The following MYBL1 variants were observed in gnomAD, a reference collection of about 807,000 sequenced individuals.
MYBL1 encodes the protein MYB proto-oncogene like 1, also known as myb-related protein A.
Under a neutral mutation model 96.3 loss-of-function variants are expected in MYBL1, and 17 were observed. The observed-to-expected ratio is 0.18, with a 90% CI of 0.12 to 0.26. MYBL1 has a LOEUF of 0.26. Among genes scored for constraint, MYBL1 ranks in the 10% least tolerant of loss-of-function variants. The pLI, the probability that MYBL1 is intolerant of heterozygous loss-of-function variation, is 1.00. For missense variants in MYBL1, 701 were observed against 882.9 expected (o/e 0.79, Z 2.61); for synonymous variants, 282 against 292.7 (o/e 0.96, Z 0.37).
At chr8:66,582,624 G>A (rs1345857512) in intron 8 of MYBL1, among the ~76,000 whole-genome samples, 1 of 144,130 alleles carries the variant, frequency 6.9e-6, no homozygotes, top group East Asian at 2.1e-4. Context: ...AGGCTGAGGT[G>A]AAAGCATCAC....
intron 8 of MYBL1, among the ~76,000 whole-genome samples, chr8:66,587,083 T>C (rs1809449893): frequency 1.3e-5 from 2 of 152,034 alleles, no homozygotes; most frequent in African/African-American, 2.4e-5. Context: ...TAGCCAAAGG[T>C]TGGTTAATGG....
At chr8:66,612,116 G>A (rs1439589676) in intron 1 of MYBL1, 1 of 152,154 alleles carries the variant, frequency 6.6e-6, no homozygotes, top group Non-Finnish European at 1.5e-5. Flanking sequence ...CTTAGGTACG[G>A]TCAGAGCCAA....
intron 3 of MYBL1, 32 bp from the exon 4 acceptor site, chr8:66,599,174 C>G: frequency 6.7e-7 from 1 of 1,484,306 alleles, no homozygotes; most frequent in South Asian, 1.3e-5. Flanking sequence ...TGTTATTAAA[C>G]AACTGTCTTC....
Position 66,595,777 on chromosome 8 carries a change from A to T in MYBL1, c.513-20T>A. The T allele has an allele frequency of 6.9e-7, 1 of 1,445,172 alleles. No individual in the cohort carries two copies. The highest frequency in any genetic ancestry group is 9.2e-7 in the Non-Finnish European group (1 of 1,088,250). 89.5% of individuals were successfully genotyped at this position (1,445,172 alleles called of 1,614,324 possible). ...TCAGTCCTAAGAAAGGAAAGGTATG[A>T]TTTAAAAAGAAAAAAGGATTCCACA... On this transcript the variant is annotated intron_variant, in intron 5 of 15. Transcript: ENST00000522677.
chr8:66,602,699 C>CTATATATATATATA (rs67236935), intron 1 of MYBL1, among the ~76,000 whole-genome samples, 176 bp from the exon 2 acceptor site: 4 of 27,274 alleles, frequency 1.5e-4, no homozygotes, highest in East Asian at 1.1e-3. Flanking sequence ...TGGGGTGGAG[C>CTATATATATATATA]TATATATATA....
At chr8:66,570,599 T>G (rs1291085131) in intron 12 of MYBL1, among the ~76,000 whole-genome samples, 1 of 152,226 alleles carries the variant, frequency 6.6e-6, no homozygotes, top group Non-Finnish European at 1.5e-5. Flanking sequence ...GAACCATACT[T>G]GACCTTTTCA....
At chr8:66,605,273 C>T (rs1563553251) in intron 1 of MYBL1, among the ~76,000 whole-genome samples, 1 of 152,060 alleles carries the variant, frequency 6.6e-6, no homozygotes, top group Non-Finnish European at 1.5e-5. Context: ...CCACATGTGG[C>T]TAATGGCTAT....
At chr8:66,594,836 AT>A (rs1809788326) in intron 6 of MYBL1, among the ~76,000 whole-genome samples, 1 of 152,184 alleles carries the variant, frequency 6.6e-6, no homozygotes, top group Non-Finnish European at 1.5e-5. Flanking sequence ...GTAAGCACAG[AT>A]TTTTAATATC....
At chr8:66,586,806 T>C (rs1809438353) in intron 8 of MYBL1, among the ~76,000 whole-genome samples, 1 of 152,182 alleles carries the variant, frequency 6.6e-6, no homozygotes, top group Non-Finnish European at 1.5e-5. Context: ...TGTCTGTATA[T>C]TTATACACAC....
rs1563531407 is a variant in MYBL1 at position 66,576,217 on chromosome 8, G to GT, written c.1259dup (p.Asn420LysfsTer4). On this transcript the variant is annotated frameshift_variant, in exon 10 of 16. Transcript: ENST00000522677. LOFTEE classifies it high-confidence loss of function. Reference sequence around the variant, plus strand: ...CTTCACTGTTGCCACCATTACAAGTGTTTTTTTTCCCTTCAAGTACAAGAC... The same window carrying GT: ...CTTCACTGTTGCCACCATTACAAGTGTTTTTTTTTCCCTTCAAGTACAAGAC... 1 of 1,613,452 alleles carries GT rather than the reference G, an allele frequency of 6.2e-7. No homozygotes were observed. The highest frequency in any genetic ancestry group is 8.5e-7 in the Non-Finnish European group (1 of 1,179,688).
At chr8:66,605,134 T>A (rs887994379) in intron 1 of MYBL1, among the ~76,000 whole-genome samples, 9 of 152,236 alleles carry the variant, frequency 5.9e-5, no homozygotes, top group African/African-American at 2.2e-4. Flanking sequence ...CAACATGTAA[T>A]CAACATAAAA....
chr8:66,610,247 G>C lies in MYBL1; in HGVS notation c.20+2572C>G, dbSNP rs547540043. ...CTGTAAATTGTCATCGCAATTCCCA[G>C]TGGGATGTAAAATTATTTAAAGTCA... On this transcript the variant is annotated intron_variant, in intron 1 of 15. Coordinates refer to ENST00000522677, the MANE Select transcript of MYBL1 (RefSeq NM_001080416.4). Among the ~76,000 whole-genome samples, 16 of 152,106 alleles carry C rather than the reference G, an allele frequency of 1.1e-4. No individual in the cohort carries two copies. In the East Asian group the frequency reaches 3.1e-3, roughly 29 times the overall value.
At chr8:66,587,661 C>A (rs1334636500) in intron 8 of MYBL1, among the ~76,000 whole-genome samples, 3 of 152,076 alleles carry the variant, frequency 2.0e-5, no homozygotes, top group Non-Finnish European at 2.9e-5. Context: ...TTTTTCTCAC[C>A]CGCATACCAA....
chr8:66,578,499 A>G (rs1809062176), intron 9 of MYBL1, among the ~76,000 whole-genome samples: 2 of 152,234 alleles, frequency 1.3e-5, no homozygotes, highest in African/African-American at 4.8e-5. Flanking sequence ...ATCACTGGCC[A>G]TCAGAGAAAT....
intron 9 of MYBL1, among the ~76,000 whole-genome samples, chr8:66,577,071 C>T (rs1268321319): frequency 1.1e-4 from 16 of 151,762 alleles, no homozygotes; most frequent in Admixed American, 2.0e-4. Flanking sequence ...ATTGATGGGA[C>T]GTATCTCAAA....
intron 1 of MYBL1, among the ~76,000 whole-genome samples, chr8:66,610,956 G>C (rs1198424364): frequency 1.3e-5 from 2 of 152,024 alleles, no homozygotes; most frequent in African/African-American, 2.4e-5. Flanking sequence ...TTACACAACT[G>C]TCAAGGGATA....
intron 8 of MYBL1, among the ~76,000 whole-genome samples, chr8:66,586,566 T>G (rs552732774): frequency 6.6e-6 from 1 of 152,134 alleles, no homozygotes; most frequent in Non-Finnish European, 1.5e-5. Flanking sequence ...AAAGGGGAAC[T>G]CTACTGTTGG....
At chr8:66,612,703 G>A in intron 1 of MYBL1, 116 bp downstream of exon 1, 1 of 1,222,942 alleles carries the variant, frequency 8.2e-7, no homozygotes, top group East Asian at 2.8e-5. Context: ...GACGCGGGAA[G>A]AAAAACCTCT....
chr8:66,597,112 A>G (rs1196401198), intron 5 of MYBL1, among the ~76,000 whole-genome samples: 1 of 152,184 alleles, frequency 6.6e-6, no homozygotes, highest in Non-Finnish European at 1.5e-5. Flanking sequence ...ATTTTATTGT[A>G]CAAATTATTG....
Sources: gnomAD v4.1 joint callset for allele counts (sites outside exome capture counted in the v4.1 genomes callset) on GRCh38, gnomAD v4.1.1 for gene constraint, MANE v1.5 for transcripts, NCBI Gene and HGNC (gene_info 2026-07-23, HGNC 2026-07-21) for gene names.